The following LRRC4C variants were observed in gnomAD, a reference collection of about 807,000 sequenced individuals.
LRRC4C encodes the protein leucine rich repeat containing 4C.
In LRRC4C, 5 loss-of-function variants were observed where a neutral mutation model predicts 33.6. The observed-to-expected ratio is 0.15, with a 90% CI of 0.08 to 0.31. The LOEUF (loss-of-function observed/expected upper bound fraction) is 0.31. Among genes scored for constraint, LRRC4C ranks in the 10% least tolerant of loss-of-function variants. The pLI is 1.00. For missense variants in LRRC4C, 560 were observed against 796.7 expected (o/e 0.70, Z 3.58); for synonymous variants, 329 against 302.0 (o/e 1.09, Z -0.93).
chr11:40,682,997 A>G (rs1944772535), intron 2 of LRRC4C, among the ~76,000 whole-genome samples: 1 of 152,336 alleles, frequency 6.6e-6, no homozygotes, highest in African/African-American at 2.4e-5. Flanking sequence ...CTCAGAAGAT[A>G]GAAGATGGCT....
At chr11:40,321,670 G>A (rs1038208508) in intron 3 of LRRC4C, among the ~76,000 whole-genome samples, 5 of 152,108 alleles carry the variant, frequency 3.3e-5, no homozygotes, top group Admixed American at 6.5e-5. Flanking sequence ...GGCTACTTCT[G>A]GGCCAGTACA....
intron 5 of LRRC4C, among the ~76,000 whole-genome samples, chr11:40,223,996 G>T (rs1052572629): frequency 2.6e-5 from 4 of 152,246 alleles, no homozygotes; most frequent in African/African-American, 7.2e-5. Flanking sequence ...TTATTTAAAT[G>T]CACTGAGATA....
chr11:41,445,715 C>A (rs1335861813), intron 1 of LRRC4C, among the ~76,000 whole-genome samples: 2 of 151,974 alleles, frequency 1.3e-5, no homozygotes, highest in Non-Finnish European at 2.9e-5. Context: ...ATAATTACAC[C>A]TTTCTTAAAG....
chr11:40,663,226 G>A (rs148214456), intron 2 of LRRC4C, among the ~76,000 whole-genome samples: 8 of 152,134 alleles, frequency 5.3e-5, no homozygotes, highest in South Asian at 2.1e-4. Flanking sequence ...GATTACAGGC[G>A]TGCACCACCA....
At chr11:40,657,364 A>G (rs554129301) in intron 2 of LRRC4C, among the ~76,000 whole-genome samples, 1 of 152,344 alleles carries the variant, frequency 6.6e-6, no homozygotes, top group South Asian at 2.1e-4. Context: ...GCTACACTGT[A>G]AGATGCTTCA....
At chr11:41,439,942 T>C (rs1374441588) in intron 1 of LRRC4C, among the ~76,000 whole-genome samples, 1 of 152,202 alleles carries the variant, frequency 6.6e-6, no homozygotes, top group African/African-American at 2.4e-5. Flanking sequence ...TCTCATTCAG[T>C]AAGTTGTATG....
chr11:41,440,931 C>G (rs1246988012), intron 1 of LRRC4C, among the ~76,000 whole-genome samples: 1 of 152,138 alleles, frequency 6.6e-6, no homozygotes, highest in Non-Finnish European at 1.5e-5. Flanking sequence ...TTATAAATTA[C>G]CCAATCCCAG....
At chr11:41,350,021 T>C (rs1467107629) in intron 1 of LRRC4C, among the ~76,000 whole-genome samples, 3 of 152,136 alleles carry the variant, frequency 2.0e-5, no homozygotes, top group Non-Finnish European at 4.4e-5. Flanking sequence ...CTGTAGTCAG[T>C]CTCTTGCAGT....
At chr11:40,269,917 A>G (rs1343555840) in intron 4 of LRRC4C, among the ~76,000 whole-genome samples, 4 of 152,110 alleles carry the variant, frequency 2.6e-5, no homozygotes, top group Non-Finnish European at 5.9e-5. Context: ...TTTAGAATCT[A>G]TTTCTATTGG....
At chr11:40,898,710 T>C (rs1383510458) in intron 2 of LRRC4C, among the ~76,000 whole-genome samples, 1 of 152,066 alleles carries the variant, frequency 6.6e-6, no homozygotes, top group African/African-American at 2.4e-5. Flanking sequence ...GATTCAAAGC[T>C]AACAGAAAAT....
chr11:40,284,538 T>A (rs1305035048), intron 4 of LRRC4C, among the ~76,000 whole-genome samples: 1 of 152,188 alleles, frequency 6.6e-6, no homozygotes, highest in Non-Finnish European at 1.5e-5. Flanking sequence ...TTGGATGATA[T>A]ATCTAGAGGA....
At chr11:40,275,609 T>G (rs769263836) in intron 4 of LRRC4C, among the ~76,000 whole-genome samples, 18 of 152,090 alleles carry the variant, frequency 1.2e-4, no homozygotes, top group African/African-American at 1.7e-4. Flanking sequence ...AGAGACATCA[T>G]AGGAAACTCA....
At chr11:41,427,249 A>G (rs1163368997) in intron 1 of LRRC4C, among the ~76,000 whole-genome samples, 2 of 152,120 alleles carry the variant, frequency 1.3e-5, no homozygotes, top group Admixed American at 1.3e-4. Context: ...TTCATTTAGT[A>G]GAGATTTTAT....
At chr11:41,165,900 G>C (rs767777769) in intron 1 of LRRC4C, among the ~76,000 whole-genome samples, 1 of 151,932 alleles carries the variant, frequency 6.6e-6, no homozygotes, top group Non-Finnish European at 1.5e-5. Flanking sequence ...GCATGGTGGT[G>C]GGTGCCTGTA....
At chr11:41,454,043 C>T (rs1956106992) in intron 1 of LRRC4C, among the ~76,000 whole-genome samples, 1 of 152,056 alleles carries the variant, frequency 6.6e-6, no homozygotes, top group South Asian at 2.1e-4. Context: ...AAGCAGACTT[C>T]ATCCATTCAT....
intron 1 of LRRC4C, among the ~76,000 whole-genome samples, chr11:41,134,791 GA>G (rs1383488366): frequency 6.6e-6 from 1 of 152,136 alleles, no homozygotes; most frequent in East Asian, 1.9e-4. Flanking sequence ...ATATTCTGAA[GA>G]AGTGAAGGTT....
rs10501224 is a variant in LRRC4C, at chr11:40,240,312, T to C, written c.-96+1207A>G. ...TATGGTATTCCTGTGAATATCATCA[T>C]GTATAACTTGTTACATGTCACTTAT... On this transcript the variant is annotated intron_variant, in intron 5 of 6. Transcript: ENST00000528697. Among the ~76,000 whole-genome samples the C allele has an allele frequency of 4.5e-3, 684 of 152,314 alleles. 10 individuals carry two copies. The highest frequency in any genetic ancestry group is 0.028 in the Admixed American group (422 of 15,280).
intron 3 of LRRC4C, among the ~76,000 whole-genome samples, chr11:40,627,276 C>CGAGAGAGAGAGAGAGAGAGAGCGAGA (rs10649436): frequency 6.8e-6 from 1 of 146,404 alleles, no homozygotes; most frequent in African/African-American, 2.5e-5. Flanking sequence ...AGAGAGAGAG[C>CGAGAGAGAGAGAGAGAGAGAGCGAGA]GAGAGAGAGA....
chr11:40,915,424 T>C (rs1209904750), intron 2 of LRRC4C, among the ~76,000 whole-genome samples: 1 of 152,098 alleles, frequency 6.6e-6, no homozygotes, highest in Non-Finnish European at 1.5e-5. Context: ...TTGACAAACC[T>C]GACAAAAACA....
Sources: gnomAD v4.1 joint callset for allele counts (sites outside exome capture counted in the v4.1 genomes callset) on GRCh38, gnomAD v4.1.1 for gene constraint, MANE v1.5 for transcripts, NCBI Gene and HGNC (gene_info 2026-07-23, HGNC 2026-07-21) for gene names.